The following MTOR variants were observed in gnomAD, a reference collection of about 807,000 sequenced individuals.
The protein encoded by MTOR is mechanistic target of rapamycin kinase, also known as serine/threonine-protein kinase mTOR.
In MTOR, 70 loss-of-function variants were observed where a neutral mutation model predicts 319.8. The ratio of observed to expected loss-of-function variants is 0.22; its 90% CI spans 0.18 to 0.27. The LOEUF is 0.27. Ranked by LOEUF, MTOR falls within the 10% of genes least tolerant of loss-of-function variation. MTOR has a pLI of 1.00. For missense variants in MTOR, 1,890 were observed against 3,274.4 expected, an observed-to-expected ratio of 0.58 and a Z score of 10.32; for synonymous variants, 1,183 against 1,211.4, an observed-to-expected ratio of 0.98 and a Z score of 0.49.
intron 28 of MTOR, among the ~76,000 whole-genome samples, chr1:11,169,153 TC>T (rs1235236270): frequency 6.6e-6 from 1 of 152,210 alleles, no homozygotes; most frequent in Non-Finnish European, 1.5e-5. Flanking sequence ...AAATCCAAAT[TC>T]CACCACATTT....
At chr1:11,198,873 G>A (rs574949754) in intron 28 of MTOR, among the ~76,000 whole-genome samples, 76 of 152,308 alleles carry the variant, frequency 5.0e-4, no homozygotes, top group African/African-American at 1.8e-3. Flanking sequence ...ACCCCACTGT[G>A]CCCTTGAGTA....
intron 29 of MTOR, among the ~76,000 whole-genome samples, chr1:11,163,392 A>C (rs1028514235): frequency 6.6e-6 from 1 of 152,198 alleles, no homozygotes; most frequent in Non-Finnish European, 1.5e-5. Flanking sequence ...AAAGTTAACA[A>C]GGATATCCAG....
At position 11,240,465 on chromosome 1, in the gene MTOR, T is replaced by C; in HGVS notation, c.1624A>G (p.Met542Val). ...KKDIQDGLLK[M>V]LSLVLMHKPL... ...TTGTGCATAAGGACCAGGGACAGCA[T>C]TTTCAGTAGCCCATCTTGAATGTCC... The change falls in exon 11 of 58, where the codon ATG becomes GTG. Residue 542 changes from methionine to valine, a missense_variant. By Grantham distance (21) the Met-to-Val change is conservative. Coordinates refer to ENST00000361445, the MANE Select transcript of MTOR (RefSeq NM_004958.4). The C allele has an allele frequency of 1.9e-6, 3 of 1,614,214 alleles. 1 individual carries two copies. The highest frequency in any genetic ancestry group is 2.5e-6 in the Non-Finnish European group (3 of 1,180,040).
chr1:11,249,441 G>A (rs1649301291), intron 6 of MTOR, among the ~76,000 whole-genome samples: 1 of 144,672 alleles, frequency 6.9e-6, no homozygotes, highest in Non-Finnish European at 1.5e-5. Context: ...ATTTTTTATT[G>A]ATCATTCTTG....
chr1:11,182,918 C>T (rs78215508), intron 28 of MTOR, among the ~76,000 whole-genome samples: 4,244 of 152,218 alleles, frequency 0.028, 174 homozygotes, highest in African/African-American at 0.096. Context: ...AGGGGTAGTA[C>T]GCGGACACTC....
chr1:11,254,332 G>C (rs1024786792), intron 5 of MTOR, among the ~76,000 whole-genome samples: 2 of 152,074 alleles, frequency 1.3e-5, no homozygotes, highest in African/African-American at 4.8e-5. Flanking sequence ...TAGAGACAGG[G>C]CTTCACCATG....
intron 19 of MTOR, among the ~76,000 whole-genome samples, chr1:11,224,824 T>C (rs1455738060): frequency 6.6e-6 from 1 of 152,198 alleles, no homozygotes; most frequent in Non-Finnish European, 1.5e-5. Flanking sequence ...ATTCTAACAC[T>C]GGAAAATATT....
chr1:11,227,229 C>A (rs1179807124), intron 19 of MTOR, among the ~76,000 whole-genome samples: 1 of 139,872 alleles, frequency 7.1e-6, no homozygotes, highest in Non-Finnish European at 1.5e-5. Flanking sequence ...ACCTGAGAGG[C>A]AGAGGCTGCA....
intron 11 of MTOR, 92 bp from the exon 12 acceptor site, chr1:11,238,709 C>T: frequency 9.7e-7 from 1 of 1,035,924 alleles, no homozygotes; most frequent in Non-Finnish European, 1.4e-6. Flanking sequence ...CATTTTGAGG[C>T]TACTAATTCT....
chr1:11,196,412 A>G (rs1645785168), intron 28 of MTOR, among the ~76,000 whole-genome samples: 1 of 152,184 alleles, frequency 6.6e-6, no homozygotes, highest in South Asian at 2.1e-4. Context: ...ATACTATCTC[A>G]GTGTTAGCCC....
In MTOR at chr1:11,199,738, C is replaced by T. The variant is rs535498005; in HGVS notation, c.3945-35G>A. 32 of 1,609,282 alleles carry T rather than the reference C, an allele frequency of 2.0e-5. No individual in the cohort carries two copies. The African/African-American group carries it at 3.9e-4, about 19-fold the overall frequency. On this transcript the variant is annotated intron_variant, in intron 26 of 57. Transcript: ENST00000361445. The surrounding 1 kb of genome is among the most constrained non-coding windows in gnomAD (Gnocchi z 4.5). Reference sequence around the variant, plus strand: ...GAGAAGGTGGAAAATGGAGAGACCTCCCGTGCCTCTGCCTGCTGCCTCAAA... The same window carrying T: ...GAGAAGGTGGAAAATGGAGAGACCTTCCGTGCCTCTGCCTGCTGCCTCAAA...
intron 28 of MTOR, among the ~76,000 whole-genome samples, chr1:11,169,444 T>C (rs1644743657): frequency 6.6e-6 from 1 of 152,176 alleles, no homozygotes; most frequent in African/African-American, 2.4e-5. Context: ...TGCCTCTTTG[T>C]TAAGGAAAAG....
intron 49 of MTOR, among the ~76,000 whole-genome samples, chr1:11,118,153 A>G (rs115694111): frequency 1.7e-4 from 26 of 151,306 alleles, no homozygotes; most frequent in African/African-American, 6.1e-4. Flanking sequence ...AGGATGAATT[A>G]TTTGGCCAAC....
chr1:11,234,899 A>G lies in MTOR; in HGVS notation c.2209-634T>C, dbSNP rs377377032. On this transcript the variant is annotated intron_variant, in intron 13 of 57. Transcript: ENST00000361445. ...ATCAGCATATCTTGCTCATGGTGAC[A>G]TAGACAGCATAATATAGACAGATTT... Among the ~76,000 whole-genome samples, 281 of 152,318 alleles carry G rather than the reference A, an allele frequency of 1.8e-3. 3 individuals carry two copies. Among genetic ancestry groups the G allele is most frequent in the African/African-American group, 6.5e-3 (271 of 41,572 alleles).
intron 1 of MTOR, among the ~76,000 whole-genome samples, chr1:11,260,293 G>A (rs11121713): frequency 0.56 from 84,554 of 152,062 alleles, 27,259 homozygotes; most frequent in East Asian, 0.78. Flanking sequence ...CTGTAATCCC[G>A]GCACTTTGGG....
chr1:11,126,656 T>C lies in MTOR; in HGVS notation c.6492A>G (p.Thr2164=), dbSNP rs1285449065. The change falls in exon 46 of 58, where the codon ACA becomes ACG. Residue 2164 remains threonine, a synonymous_variant. Coordinates refer to ENST00000361445, the MANE Select transcript of MTOR (RefSeq NM_004958.4). ...QSIAPSLQVI[T]SKQRPRKLTL... Reference sequence around the variant, plus strand: ...TCAATTTCCGGGGCCTCTGCTTGGATGTGATGACTTGCAAAGACGGTGCTA... The same window carrying C: ...TCAATTTCCGGGGCCTCTGCTTGGACGTGATGACTTGCAAAGACGGTGCTA... The C allele has an allele frequency of 1.2e-6, 2 of 1,613,896 alleles. No homozygotes were observed. The highest frequency in any genetic ancestry group is 1.7e-5 in the Admixed American group (1 of 59,976).
intron 20 of MTOR, among the ~76,000 whole-genome samples, chr1:11,214,207 G>C (rs17036539): frequency 0.07 from 10,608 of 152,272 alleles, 578 homozygotes; most frequent in African/African-American, 0.14. Flanking sequence ...GGCTTTTCTG[G>C]ATTTAGATTT....
chr1:11,125,732 G>GA lies in MTOR; in HGVS notation c.6526+889dup, dbSNP rs567989861. ...CAACAGAGTGAGACTCTGTCTTGGGGAAAAAAAAAAAAAAAAGAGCAAGAG... is the reference window on the plus strand; with the variant it reads ...CAACAGAGTGAGACTCTGTCTTGGGGAAAAAAAAAAAAAAAAAGAGCAAGAG... On this transcript the variant is annotated intron_variant, in intron 46 of 57. Coordinates refer to ENST00000361445, the MANE Select transcript of MTOR (RefSeq NM_004958.4). Among the ~76,000 whole-genome samples the GA allele has an allele frequency of 3.0e-3, 338 of 113,698 alleles. 2 individuals are homozygous for GA. The highest frequency in any genetic ancestry group is 7.4e-3 in the African/African-American group (212 of 28,650). 74.6% of individuals were successfully genotyped at this position (113,698 alleles called of 152,430 possible).
chr1:11,155,643 T>C (rs986426667), intron 30 of MTOR, among the ~76,000 whole-genome samples: 3 of 152,172 alleles, frequency 2.0e-5, no homozygotes, highest in Non-Finnish European at 4.4e-5. Context: ...TGCTCCTCAT[T>C]GTACAGGTCC....
Sources: gnomAD v4.1 joint callset for allele counts (sites outside exome capture counted in the v4.1 genomes callset) on GRCh38, gnomAD v4.1.1 for gene constraint, Gnocchi (gnomAD v3.1) non-coding constraint, MANE v1.5 for transcripts, NCBI Gene and HGNC (gene_info 2026-07-23, HGNC 2026-07-21) for gene names.